Variants in OGFOD3 observed in about 807,000 individuals in gnomAD.
OGFOD3 encodes the protein 2-oxoglutarate and iron dependent oxygenase domain containing 3.
In OGFOD3, 35 loss-of-function variants were observed where a neutral mutation model predicts 39.8. That is an observed-to-expected ratio of 0.88 (90% CI 0.67 to 1.17). The LOEUF (loss-of-function observed/expected upper bound fraction) is 1.17, where lower values mean the gene tolerates loss of function less well. Ranked by LOEUF, OGFOD3 falls within the 50% of genes most tolerant of loss-of-function variation. The pLI, the probability that OGFOD3 is intolerant of heterozygous loss-of-function variation, is 0.00. For synonymous variants in OGFOD3, 200 were observed against 192.0 expected (o/e 1.04, Z -0.34); for missense variants, 438 against 454.5 (o/e 0.96, Z 0.33).
rs1045094376 is a variant in OGFOD3 at position 82,406,340 on chromosome 17, A to G, written c.488+78T>C. The G allele has an allele frequency of 6.0e-6, 8 of 1,331,814 alleles. No homozygotes were observed. Among genetic ancestry groups the G allele is most frequent in the Non-Finnish European group, 1.1e-6 (1 of 927,992 alleles). The allele number at this position is 1,331,814 out of a possible 1,614,324, so 82.5% of individuals were successfully genotyped here. On this transcript the variant is annotated intron_variant, in intron 5 of 8. Transcript: ENST00000313056. This position sits in a 1 kb window ranked among gnomAD's most constrained non-coding sequence, Gnocchi z 5.2. Reference sequence around the variant, plus strand: ...TCCTCCCTCACATGTCCACGTGTCCACATGTCCATGGCTAAGAGGCACGGA... The same window carrying G: ...TCCTCCCTCACATGTCCACGTGTCCGCATGTCCATGGCTAAGAGGCACGGA...
chr17:82,410,674 G>A lies in OGFOD3; in HGVS notation c.380+781C>T, dbSNP rs148007395. On this transcript the variant is annotated intron_variant, in intron 3 of 8. Coordinates refer to ENST00000313056, the MANE Select transcript of OGFOD3 (RefSeq NM_024648.3). ...GGCCATGGTCTCCTCTCCTGAAATC[G>A]GAAAATCTGAGCTTGGCCCTTGAAA... 3.3e-3 allele frequency among the ~76,000 whole-genome samples: 492 copies of A among 151,246 alleles called. 10 individuals carry two copies. The highest frequency in any genetic ancestry group is 3.8e-3 in the Non-Finnish European group (256 of 67,900).
In OGFOD3 at chr17:82,415,607, G is replaced by A. The variant is rs767640082; in HGVS notation, c.95C>T (p.Pro32Leu). The change falls in exon 2 of 9, where the codon CCG (proline) becomes CTG (leucine). Residue 32 changes from proline (P) to leucine (L), a missense_variant. Transcript: ENST00000313056. The surrounding 1 kb of genome is among the most constrained non-coding windows in gnomAD (Gnocchi z 5.3). ...NRSSTKKDRA[P>L]REVQRLWQRP... is the part of the protein sequence containing the mutation. The stretch of plus-strand genomic sequence containing the variant: ...CTGCCACAGCCTCTGCACCTCCCGC[G>A]GGGCTCGGTCCTTCTTGGTGCTGAG... 25 of 1,612,196 alleles carry A rather than the reference G, an allele frequency of 1.6e-5. No homozygotes were observed. Among genetic ancestry groups the A allele is most frequent in the Non-Finnish European group, 2.0e-5 (24 of 1,179,146 alleles).
intron 8 of OGFOD3, among the ~76,000 whole-genome samples, chr17:82,397,634 G>A (rs1033638370): frequency 1.2e-4 from 19 of 152,118 alleles, no homozygotes; most frequent in African/African-American, 4.6e-4. Flanking sequence ...GAGGATGACT[G>A]TCCGCTCGGC....
chr17:82,393,855 CAG>C (rs1180938231), intron 8 of OGFOD3: 1 of 152,282 alleles, frequency 6.6e-6, no homozygotes, highest in Admixed American at 6.5e-5. Context: ...ATCTTGCAAA[CAG>C]AGGCACCAAA....
chr17:82,392,499 G>A lies in OGFOD3; in HGVS notation c.859C>T (p.Leu287=), dbSNP rs1264987100. 1 of 1,603,100 alleles carries A rather than the reference G, an allele frequency of 6.2e-7. No homozygotes were observed. The highest frequency in any genetic ancestry group is 1.7e-5 in the Admixed American group (1 of 57,992). ...CAGTGGACCTTCTCCACGCGGTGTAGGTTCTCGGACCCCGAGGTGAAGAAG... is the reference window on the plus strand; with the variant it reads ...CAGTGGACCTTCTCCACGCGGTGTAAGTTCTCGGACCCCGAGGTGAAGAAG... ...VSFFTSGSEN[L]HRVEKVHWGT... is the part of the protein sequence containing the mutation. The change falls in exon 9 of 9, where the codon CTA becomes TTA. Residue 287 remains leucine, a synonymous_variant. Transcript: ENST00000313056. The surrounding 1 kb of genome is among the most constrained non-coding windows in gnomAD (Gnocchi z 4.2).
chr17:82,403,855 T>A, intron 7 of OGFOD3, 82 bp downstream of exon 7: 8 of 1,475,588 alleles, frequency 5.4e-6, no homozygotes, highest in Non-Finnish European at 7.3e-6. Context: ...GCGCTCACCC[T>A]GCCCACGTGC....
intron 4 of OGFOD3, among the ~76,000 whole-genome samples, chr17:82,408,126 G>A (rs947686268): frequency 6.6e-6 from 1 of 152,128 alleles, no homozygotes; most frequent in African/African-American, 2.4e-5. Flanking sequence ...CTGGGCAACA[G>A]AGCGAGACTC....
chr17:82,409,176 C>T (rs1016599799), intron 4 of OGFOD3, among the ~76,000 whole-genome samples, 192 bp downstream of exon 4: 3 of 152,234 alleles, frequency 2.0e-5, no homozygotes, highest in Non-Finnish European at 4.4e-5. Context: ...ACACTCTTCC[C>T]AACGAGGGGA....
chr17:82,411,409 G>T (rs375643661), intron 3 of OGFOD3, 46 bp downstream of exon 3: 6 of 1,546,670 alleles, frequency 3.9e-6, no homozygotes, highest in Non-Finnish European at 5.4e-6. Flanking sequence ...GCCCCACTCC[G>T]CGTGTGTTTG....
Position 82,403,964 on chromosome 17 carries a change from G to A in OGFOD3, c.672C>T (p.Asp224=). The A allele has an allele frequency of 2.5e-6, 4 of 1,607,636 alleles. No individual in the cohort carries two copies. Among genetic ancestry groups the A allele is most frequent in the Non-Finnish European group, 1.7e-6 (2 of 1,177,846 alleles). The change falls in exon 7 of 9, where the codon GAC becomes GAT. Residue 224 remains aspartate, a synonymous_variant. Transcript: ENST00000313056. ...TGTCCACGTGCGCATGCCAGTACTC[G>A]TCGTGCGCCGTCCGCGCTTCCGTGC... ...INSTEARTAH[D]EYWHAHVDKV...
intron 7 of OGFOD3, among the ~76,000 whole-genome samples, chr17:82,402,299 G>T (rs2052779507): frequency 6.6e-6 from 1 of 152,048 alleles, no homozygotes; most frequent in South Asian, 2.1e-4. Context: ...GCTGGGCGTG[G>T]TGGTGCATGC....
chr17:82,393,001 C>T (rs867553800), intron 8 of OGFOD3: 25 of 156,126 alleles, frequency 1.6e-4, no homozygotes, highest in Non-Finnish European at 2.3e-4. Flanking sequence ...ACATCCAACT[C>T]GCAAACACCT....
rs1358454977 is a variant in OGFOD3 at position 82,409,394 on chromosome 17, G to A, written c.397C>T (p.Leu133Phe). Residue 133 changes from leucine (L) to phenylalanine (F), a missense_variant, in exon 4 of 9, where the codon CTC becomes TTC. Transcript: ENST00000313056. The part of the protein sequence containing the change: ...ERIRSVAEKG[L>F]SLGGSDGGAS... ...CCTCCGTCAGATCCTCCCAGGGAGA[G>A]CCCCTTTTCAGCTACGCTGCAGGGA... is the stretch of plus-strand genomic sequence containing the variant. The A allele has an allele frequency of 1.9e-6, 3 of 1,613,930 alleles. No homozygotes were observed. Among genetic ancestry groups the A allele is most frequent in the African/African-American group, 2.7e-5 (2 of 74,934 alleles).
chr17:82,392,767 G>A lies in OGFOD3; in HGVS notation c.824-233C>T. ...AGGAGGGGCCCCCCGGGGCCAGCAG[G>A]GACTCTGTGGTGGGCAGGACAGAGG... On this transcript the variant is annotated intron_variant, in intron 8 of 8. Transcript: ENST00000313056. The surrounding 1 kb of genome is among the most constrained non-coding windows in gnomAD (Gnocchi z 4.2). The A allele has an allele frequency of 1.7e-6, 1 of 572,328 alleles. No individual in the cohort carries two copies. The highest frequency in any genetic ancestry group is 3.0e-5 in the East Asian group (1 of 33,464). The allele number at this position is 572,328 out of a possible 1,614,324, so 35.5% of individuals were successfully genotyped here. A position where few individuals can be genotyped will look rare whatever the true frequency, so the allele number is the denominator to read the frequency against.
At chr17:82,407,421 C>T (rs923137010) in intron 4 of OGFOD3, among the ~76,000 whole-genome samples, 3 of 152,240 alleles carry the variant, frequency 2.0e-5, no homozygotes, top group East Asian at 1.9e-4. Context: ...TGACTTCTCT[C>T]GAGTAAATGC....
intron 4 of OGFOD3, 96 bp downstream of exon 4, chr17:82,409,272 C>A: frequency 7.7e-7 from 1 of 1,306,492 alleles, no homozygotes; most frequent in South Asian, 1.2e-5. Flanking sequence ...TGGGGGCACG[C>A]AGGGAACCCT....
chr17:82,394,561 G>C (rs1487502328), intron 8 of OGFOD3: 1 of 1,589,874 alleles, frequency 6.3e-7, no homozygotes, highest in Non-Finnish European at 8.6e-7. Flanking sequence ...CACAGGACAG[G>C]GATTGTGTGG....
At chr17:82,414,293 A>G (rs1200336143) in intron 2 of OGFOD3, among the ~76,000 whole-genome samples, 1 of 151,994 alleles carries the variant, frequency 6.6e-6, no homozygotes, top group African/African-American at 2.4e-5. Context: ...GGCGTGCACC[A>G]CCACACCTGG....
intron 7 of OGFOD3, among the ~76,000 whole-genome samples, 159 bp from the exon 8 acceptor site, chr17:82,398,478 C>T (rs957441845): frequency 1.7e-4 from 26 of 152,338 alleles, no homozygotes; most frequent in African/African-American, 6.0e-4. Context: ...CGGCTCACTG[C>T]AATCTCCGCC....
Sources: gnomAD v4.1 joint callset for allele counts (sites outside exome capture counted in the v4.1 genomes callset) on GRCh38, gnomAD v4.1.1 for gene constraint, Gnocchi (gnomAD v3.1) non-coding constraint, MANE v1.5 for transcripts, NCBI Gene and HGNC (gene_info 2026-07-23, HGNC 2026-07-21) for gene names.